Variants in IL23R observed in about 807,000 individuals in gnomAD.
IL23R encodes the protein interleukin 23 receptor.
In IL23R, 34 loss-of-function variants were observed where a neutral mutation model predicts 56.9. The ratio of observed to expected loss-of-function variants is 0.60; its 90% confidence interval spans 0.45 to 0.80. IL23R has a LOEUF of 0.80. Among genes scored for constraint, IL23R ranks in the 30% least tolerant of loss-of-function variants. IL23R has a pLI of 0.00. For missense variants in IL23R, 635 were observed against 730.0 expected (o/e 0.87, Z 1.50); for synonymous variants, 230 against 249.2 (o/e 0.92, Z 0.73).
chr1:67,158,175 C>T (rs1646786455), intron 1 of IL23R, among the ~76,000 whole-genome samples: 1 of 151,354 alleles, frequency 6.6e-6, no homozygotes, highest in African/African-American at 2.4e-5. Flanking sequence ...GAGACTGTGC[C>T]ACTGCACTCC....
At chr1:67,258,437 A>T in intron 10 of IL23R, 41 bp from the exon 11 acceptor site, 1 of 1,504,066 alleles carries the variant, frequency 6.6e-7, no homozygotes, top group Non-Finnish European at 9.1e-7. Flanking sequence ...TGGTTCTTTT[A>T]AATGTCTTTT....
intron 7 of IL23R, among the ~76,000 whole-genome samples, chr1:67,228,110 C>CTCTCTCTCTCTTTCTTTCTTTTCTT (rs1558254370): frequency 2.4e-5 from 1 of 40,946 alleles, no homozygotes; most frequent in Non-Finnish European, 5.2e-5. Flanking sequence ...TTCTTTCTCT[C>CTCTCTCTCTCTTTCTTTCTTTTCTT]TCTTTCTTTC....
At chr1:67,205,199 C>G (rs1363089088) in intron 5 of IL23R, among the ~76,000 whole-genome samples, 3 of 152,188 alleles carry the variant, frequency 2.0e-5, no homozygotes, top group Non-Finnish European at 4.4e-5. Context: ...ACTGCTACTT[C>G]TACGCCAGGT....
chr1:67,220,766 G>A (rs1038535041), intron 7 of IL23R, among the ~76,000 whole-genome samples: 1 of 152,100 alleles, frequency 6.6e-6, no homozygotes, highest in Non-Finnish European at 1.5e-5. Flanking sequence ...AGCTACTTGG[G>A]GACTACAGGA....
intron 3 of IL23R, among the ~76,000 whole-genome samples, chr1:67,176,985 T>C (rs577001984): frequency 6.6e-6 from 1 of 152,376 alleles, no homozygotes; most frequent in East Asian, 1.9e-4. Context: ...CCATGCTATA[T>C]ATGTGCCACA....
Position 67,228,029 on chromosome 1 carries a change from T to C in IL23R, c.955+8299T>C, listed in dbSNP as rs1315159845. ...TTCTTTCTTTCTTTCTTCCTTTCTT[T>C]CTTTTCTTTCTTTCTCTTTCTTTCT... On this transcript the variant is annotated intron_variant, in intron 7 of 10. Transcript: ENST00000347310. 6.1e-5 allele frequency among the ~76,000 whole-genome samples: 6 copies of C among 98,326 alleles called. No homozygotes were observed. The East Asian group carries it at 1.3e-3, about 21-fold the overall frequency. The allele number at this position is 98,326 out of a possible 152,430, so 64.5% of individuals were successfully genotyped here. A position where few individuals can be genotyped will look rare whatever the true frequency, so the allele number is the denominator to read the frequency against.
In IL23R at chr1:67,206,957, A is replaced by G. The variant is rs758102857; in HGVS notation, c.700A>G (p.Thr234Ala). 1 of 1,601,368 alleles carries G rather than the reference A, an allele frequency of 6.2e-7. No individual in the cohort carries two copies. Among genetic ancestry groups the G allele is most frequent in the Non-Finnish European group, 8.5e-7 (1 of 1,177,816 alleles). Reference sequence around the variant, plus strand: ...TTCCAGGGCTGAGACTATAAATGCTACAGTGCCCAAGACCATAATTTATTG... The same window carrying G: ...TTCCAGGGCTGAGACTATAAATGCTGCAGTGCCCAAGACCATAATTTATTG... ...VISRAETINA[T>A]VPKTIIYWDS... The change falls in exon 6 of 11, where the codon ACA becomes GCA. Residue 234 changes from threonine to alanine, a missense_variant. Thr to Ala is a moderately conservative substitution (Grantham distance 58). Transcript: ENST00000347310.
rs183194821 is a variant in IL23R at position 67,246,003 on chromosome 1, A to G, written c.1148+5722A>G. 4.6e-5 allele frequency among the ~76,000 whole-genome samples: 7 copies of G among 152,268 alleles called. 1 individual carries two copies. The highest frequency in any genetic ancestry group is 4.6e-4 in the Admixed American group (7 of 15,288). On this transcript the variant is annotated intron_variant, in intron 9 of 10. Transcript: ENST00000347310. ...CAATTTCAGAACTGGTTTTTGGTCT[A>G]TTCAGGGATTTCACTTCTTCCTGGT...
intron 5 of IL23R, among the ~76,000 whole-genome samples, chr1:67,205,063 G>A (rs1648910220): frequency 6.6e-6 from 1 of 152,156 alleles, no homozygotes; most frequent in South Asian, 2.1e-4. Context: ...TTACAGGTGT[G>A]AGCCACTGCG....
downstream of IL23R, among the ~76,000 whole-genome samples, chr1:67,261,904 C>T (rs1288740521): frequency 6.6e-6 from 1 of 152,176 alleles, no homozygotes; most frequent in Non-Finnish European, 1.5e-5. Context: ...GCTGCTTTCT[C>T]ATTCTGTGGT....
intron 7 of IL23R, among the ~76,000 whole-genome samples, chr1:67,222,231 C>T (rs1300283013): frequency 1.3e-5 from 2 of 149,196 alleles, no homozygotes; most frequent in African/African-American, 4.9e-5. Flanking sequence ...ATTCTTGTGC[C>T]TCAGCCTACC....
In IL23R at chr1:67,210,829, G is replaced by C. The variant is rs555466479; in HGVS notation, c.798+3774G>C. Among the ~76,000 whole-genome samples the C allele has an allele frequency of 5.9e-5, 9 of 152,088 alleles. No individual in the cohort carries two copies. The South Asian group carries it at 1.9e-3, about 32-fold the overall frequency. On this transcript the variant is annotated intron_variant, in intron 6 of 10. Transcript: ENST00000347310. Reference sequence around the variant, plus strand: ...CTGTGAAATTACCAGTTTTCAGCGCGTTAAATAAAGTGATATGTATTTAAC... The same window carrying C: ...CTGTGAAATTACCAGTTTTCAGCGCCTTAAATAAAGTGATATGTATTTAAC...
chr1:67,249,093 G>C (rs1461453132), intron 9 of IL23R, among the ~76,000 whole-genome samples: 1 of 152,194 alleles, frequency 6.6e-6, no homozygotes, highest in East Asian at 1.9e-4. Flanking sequence ...CTGCAGACCA[G>C]ACCTGTTCCT....
At chr1:67,246,418 A>C (rs1652227420) in intron 9 of IL23R, among the ~76,000 whole-genome samples, 2 of 152,166 alleles carry the variant, frequency 1.3e-5, no homozygotes, top group South Asian at 4.1e-4. Flanking sequence ...TGTCAATTTT[A>C]GATCTTTCCA....
chr1:67,186,417 C>T lies in IL23R; in HGVS notation c.491+3458C>T, dbSNP rs150363242. On this transcript the variant is annotated intron_variant, in intron 4 of 10. Transcript: ENST00000347310. ...ATATCATTCCTTGAGTTTTAGCACC[C>T]ATCACTACAATCAATATTGAACATT... 4.2e-4 allele frequency among the ~76,000 whole-genome samples: 64 copies of T among 152,068 alleles called. 1 individual carries two copies. In the East Asian group the frequency reaches 8.1e-3, roughly 19 times the overall value.
intron 1 of IL23R, among the ~76,000 whole-genome samples, chr1:67,154,016 C>T (rs568752119): frequency 6.6e-6 from 1 of 152,330 alleles, no homozygotes; most frequent in East Asian, 1.9e-4. Context: ...GATCTGCCCG[C>T]TTCGTTCTCC....
chr1:67,238,096 C>T (rs1023626800), intron 8 of IL23R, among the ~76,000 whole-genome samples: 4 of 151,936 alleles, frequency 2.6e-5, no homozygotes. Context: ...TTTTGTAATC[C>T]CAGCACTTTG....
chr1:67,195,932 G>C (rs895248232), intron 4 of IL23R, among the ~76,000 whole-genome samples: 2 of 152,182 alleles, frequency 1.3e-5, no homozygotes, highest in African/African-American at 4.8e-5. Context: ...AAAGATGTAA[G>C]TGGCTAGCAA....
chr1:67,262,112 C>G (rs1653219067), downstream of IL23R, among the ~76,000 whole-genome samples: 1 of 152,166 alleles, frequency 6.6e-6, no homozygotes, highest in South Asian at 2.1e-4. Context: ...GAAAGGGTTT[C>G]TTTCTATAAT....
Sources: allele counts gnomAD v4.1 joint callset (sites outside exome capture counted in the v4.1 genomes callset), GRCh38; gene constraint gnomAD v4.1.1; transcripts MANE v1.5; gene names NCBI Gene and HGNC (gene_info 2026-07-23, HGNC 2026-07-21).